The following NUP93 variants were observed in gnomAD, a reference collection of about 807,000 sequenced individuals.
NUP93 encodes nucleoporin 93.
A neutral mutation model predicts 107.8 loss-of-function variants in NUP93; 55 were observed. That is an observed-to-expected ratio of 0.51 (90% confidence interval 0.41 to 0.64). NUP93 has a LOEUF of 0.64. Among genes scored for constraint, NUP93 ranks in the 30% least tolerant of loss-of-function variants. The probability of loss-of-function intolerance (pLI) is 0.00; values close to 1 mark genes in which losing one functional copy is unlikely to be tolerated. For missense variants in NUP93, 937 were observed against 1,044.7 expected, an observed-to-expected ratio of 0.90 and a Z score of 1.42; for synonymous variants, 390 against 397.5, an observed-to-expected ratio of 0.98 and a Z score of 0.22.
intron 3 of NUP93, among the ~76,000 whole-genome samples, chr16:56,780,805 A>G (rs907200861): frequency 7.2e-5 from 11 of 152,130 alleles, no homozygotes; most frequent in African/African-American, 2.7e-4. Context: ...TTGCAATCTT[A>G]GGGTTTGTGG....
intron 3 of NUP93, among the ~76,000 whole-genome samples, chr16:56,773,676 C>T (rs569941758): frequency 6.6e-6 from 1 of 152,170 alleles, no homozygotes; most frequent in Non-Finnish European, 1.5e-5. Flanking sequence ...TGTGAGGGTG[C>T]GACCCAGAGT....
At chr16:56,746,840 G>A (rs1356475756) in intron 1 of NUP93, among the ~76,000 whole-genome samples, 1 of 152,094 alleles carries the variant, frequency 6.6e-6, no homozygotes, top group South Asian at 2.1e-4. Context: ...AATCTGAGGC[G>A]GAAGTTGCCG....
intron 2 of NUP93, among the ~76,000 whole-genome samples, chr16:56,756,567 A>T (rs1353375107): frequency 6.6e-6 from 1 of 152,124 alleles, no homozygotes; most frequent in Non-Finnish European, 1.5e-5. Flanking sequence ...GGTTGGTTCC[A>T]AGTCTTTGCT....
At chr16:56,736,772 A>T (rs775212595) in intron 1 of NUP93, among the ~76,000 whole-genome samples, 4 of 152,222 alleles carry the variant, frequency 2.6e-5, no homozygotes, top group Non-Finnish European at 5.9e-5. Context: ...AGTCATTGCC[A>T]TTGAGTCTTC....
At chr16:56,756,029 T>C (rs1167964938) in intron 2 of NUP93, among the ~76,000 whole-genome samples, 2 of 152,142 alleles carry the variant, frequency 1.3e-5, no homozygotes, top group African/African-American at 4.8e-5. Context: ...TAATCACAAC[T>C]AATCACAGTC....
chr16:56,808,036 A>C (rs1258933786), intron 5 of NUP93, among the ~76,000 whole-genome samples: 5 of 143,930 alleles, frequency 3.5e-5, no homozygotes, highest in African/African-American at 1.3e-4. Flanking sequence ...AATATATATA[A>C]ATATATATAT....
intron 3 of NUP93, among the ~76,000 whole-genome samples, chr16:56,777,924 G>C (rs753772322): frequency 1.1e-4 from 17 of 152,230 alleles, no homozygotes; most frequent in Non-Finnish European, 2.5e-4. Flanking sequence ...GCAGGGCCTA[G>C]TAGACACTAA....
At chr16:56,758,710 C>G in intron 3 of NUP93, 55 bp downstream of exon 3, 1 of 1,237,814 alleles carries the variant, frequency 8.1e-7, no homozygotes, top group Non-Finnish European at 1.2e-6. Flanking sequence ...GGCTGAAGAC[C>G]CTGGCCCTTT....
chr16:56,783,052 C>T (rs188747170), intron 3 of NUP93, among the ~76,000 whole-genome samples: 1 of 152,162 alleles, frequency 6.6e-6, no homozygotes, highest in South Asian at 2.1e-4. Context: ...GCCTGCAATA[C>T]TTTTAATACC....
At chr16:56,756,304 C>CCG (rs1555490762) in intron 2 of NUP93, among the ~76,000 whole-genome samples, 1 of 86,854 alleles carries the variant, frequency 1.2e-5, no homozygotes, top group Non-Finnish European at 2.5e-5. Flanking sequence ...TGCCCCCCCC[C>CCG]CCCCCGACAG....
intron 3 of NUP93, among the ~76,000 whole-genome samples, chr16:56,789,637 G>A (rs1396791157): frequency 6.6e-6 from 1 of 152,206 alleles, no homozygotes; most frequent in East Asian, 1.9e-4. Context: ...AGAGCAACTA[G>A]GCTTTTGCAT....
At chr16:56,814,479 C>T (rs192581673) in intron 5 of NUP93, among the ~76,000 whole-genome samples, 3 of 152,320 alleles carry the variant, frequency 2.0e-5, no homozygotes, top group South Asian at 2.1e-4. Flanking sequence ...CATGAGCCAC[C>T]ACGCCCTGCC....
intron 20 of NUP93, among the ~76,000 whole-genome samples, chr16:56,841,360 A>G (rs1402160045): frequency 6.6e-6 from 1 of 151,920 alleles, no homozygotes; most frequent in African/African-American, 2.4e-5. Context: ...ACCTCCTGAC[A>G]TTCAAGTTCA....
At position 56,839,762 on chromosome 16, in the gene NUP93, T is replaced by G. The variant is rs781370673; in HGVS notation, c.2220+158T>G. ...TCCCTTTCAGATACCTTGGCCTGGC[T>G]TTTCTGTGAGTGCATACATCCCCAT... On this transcript the variant is annotated intron_variant, in intron 20 of 21. Coordinates refer to ENST00000308159, the MANE Select transcript of NUP93 (RefSeq NM_014669.5). 16 of 646,222 alleles carry G rather than the reference T, an allele frequency of 2.5e-5. 1 individual carries two copies. In the South Asian group the frequency reaches 2.6e-4, roughly 11 times the overall value. The allele number at this position is 646,222 out of a possible 1,614,324, so 40.0% of individuals were successfully genotyped here. A position where few individuals can be genotyped will look rare whatever the true frequency, so the allele number is the denominator to read the frequency against.
At chr16:56,758,202 G>A (rs1396830384) in intron 2 of NUP93, among the ~76,000 whole-genome samples, 1 of 152,126 alleles carries the variant, frequency 6.6e-6, no homozygotes, top group Non-Finnish European at 1.5e-5. Context: ...CATAAAATGG[G>A]GATGAATGAT....
At chr16:56,828,761 G>A (rs926938857) in intron 8 of NUP93, among the ~76,000 whole-genome samples, 10 of 152,166 alleles carry the variant, frequency 6.6e-5, no homozygotes, top group African/African-American at 2.4e-5. Context: ...GGATTCTTTT[G>A]AGTTTCCTCA....
chr16:56,783,557 A>C, intron 3 of NUP93: 1 of 985,434 alleles, frequency 1.0e-6, no homozygotes, highest in Non-Finnish European at 1.2e-6. Flanking sequence ...GAGATGACTC[A>C]ATTATCCACG....
chr16:56,778,066 C>T (rs1166461760), intron 3 of NUP93, among the ~76,000 whole-genome samples: 1 of 152,168 alleles, frequency 6.6e-6, no homozygotes, highest in Non-Finnish European at 1.5e-5. Context: ...ACCGACATTC[C>T]TGCAAGATCA....
intron 3 of NUP93, among the ~76,000 whole-genome samples, chr16:56,781,238 A>G (rs1286544681): frequency 6.6e-6 from 1 of 152,190 alleles, no homozygotes; most frequent in African/African-American, 2.4e-5. Context: ...TGACAGTTTC[A>G]TTGGCTGTAT....
Sources: allele counts gnomAD v4.1 joint callset (sites outside exome capture counted in the v4.1 genomes callset), GRCh38; gene constraint gnomAD v4.1.1; transcripts MANE v1.5; gene names NCBI Gene and HGNC (gene_info 2026-07-23, HGNC 2026-07-21).